NUDCD3: variants seen among roughly 807,000 people sequenced by gnomAD.
NUDCD3 encodes NudC domain containing 3, also known as nudC domain-containing protein 3.
Under a neutral mutation model 39.7 loss-of-function variants are expected in NUDCD3, and 13 were observed. That is an observed-to-expected ratio of 0.33 (90% CI 0.21 to 0.52). The LOEUF (loss-of-function observed/expected upper bound fraction) is 0.52. NUDCD3 is among the 20% of genes least tolerant of loss of function. The pLI is 0.96. For synonymous variants in NUDCD3, 175 were observed against 172.4 expected, an observed-to-expected ratio of 1.02 and a Z score of -0.12; for missense variants, 453 against 458.1, an observed-to-expected ratio of 0.99 and a Z score of 0.10.
chr7:44,430,576 A>ACT (rs1799343736), intron 2 of NUDCD3, among the ~76,000 whole-genome samples: 1 of 147,956 alleles, frequency 6.8e-6, no homozygotes, highest in Non-Finnish European at 1.5e-5. Flanking sequence ...ACACTCACAC[A>ACT]CACACACACA....
intron 3 of NUDCD3, among the ~76,000 whole-genome samples, chr7:44,407,935 C>G (rs1798859488): frequency 6.6e-6 from 1 of 151,814 alleles, no homozygotes; most frequent in Non-Finnish European, 1.5e-5. Flanking sequence ...TTTTCCAGAG[C>G]CAAAGGAAAA....
chr7:44,404,480 TCA>T lies in NUDCD3; in HGVS notation c.744_745del (p.Ser250PhefsTer36), dbSNP rs1390923892. The T allele has an allele frequency of 6.2e-6, 10 of 1,613,954 alleles. No homozygotes were observed. The highest frequency in any genetic ancestry group is 8.5e-6 in the Non-Finnish European group (10 of 1,180,008). On this transcript the variant is annotated frameshift_variant, in exon 4 of 6. Coordinates refer to ENST00000355451, the MANE Select transcript of NUDCD3 (RefSeq NM_015332.4). LOFTEE classifies it high-confidence loss of function. ...GGGCTCGAGACTCCAGAGAGAACTC[TCA>T]GTGTTGATCTTGTGGGTGAGCTTCC...
chr7:44,403,002 T>C (rs1429441830), intron 4 of NUDCD3: 2 of 193,026 alleles, frequency 1.0e-5, no homozygotes, highest in African/African-American at 2.3e-5. Flanking sequence ...CAGGAGCCTA[T>C]AGCTTGGGAA....
intron 2 of NUDCD3, among the ~76,000 whole-genome samples, chr7:44,456,040 A>C (rs1374825089): frequency 1.6e-4 from 22 of 138,992 alleles, no homozygotes; most frequent in South Asian, 9.0e-4. Context: ...AAAAAAAAAA[A>C]AAAAAAAAAA....
intron 2 of NUDCD3, among the ~76,000 whole-genome samples, chr7:44,431,629 G>A (rs1328943443): frequency 6.6e-6 from 1 of 150,820 alleles, no homozygotes; most frequent in Non-Finnish European, 1.5e-5. Context: ...CTGCCTGTTT[G>A]AGTGCTGCCA....
At chr7:44,428,789 G>A (rs1173067489) in intron 2 of NUDCD3, among the ~76,000 whole-genome samples, 1 of 152,278 alleles carries the variant, frequency 6.6e-6, no homozygotes, top group African/African-American at 2.4e-5. Context: ...CCATTATAGT[G>A]AACTGAAGAT....
At chr7:44,388,709 T>C (rs1798450676) in intron 5 of NUDCD3, among the ~76,000 whole-genome samples, 1 of 152,200 alleles carries the variant, frequency 6.6e-6, no homozygotes, top group Non-Finnish European at 1.5e-5. Context: ...GCTCCCTGGC[T>C]GTTGAGGAGC....
In NUDCD3 at chr7:44,470,144, T is replaced by C. The variant is rs147745879; in HGVS notation, c.509+14824A>G. Among the ~76,000 whole-genome samples the C allele has an allele frequency of 3.8e-3, 579 of 152,304 alleles. 6 individuals carry two copies. Among genetic ancestry groups the C allele is most frequent in the African/African-American group, 0.013 (560 of 41,562 alleles). Reference sequence around the variant, plus strand: ...CTTCTGCAATTTTTTTTGGTAGATATGAATTATCTAAAATTCAAAGATTTT... The same window carrying C: ...CTTCTGCAATTTTTTTTGGTAGATACGAATTATCTAAAATTCAAAGATTTT... On this transcript the variant is annotated intron_variant, in intron 2 of 5. Coordinates refer to ENST00000355451, the MANE Select transcript of NUDCD3 (RefSeq NM_015332.4).
Position 44,445,037 on chromosome 7 carries a change from C to T in NUDCD3, c.510-17334G>A, listed in dbSNP as rs561964842. 5.9e-5 allele frequency among the ~76,000 whole-genome samples: 9 copies of T among 152,336 alleles called. No individual in the cohort carries two copies. The East Asian group carries it at 1.5e-3, about 26-fold the overall frequency. On this transcript the variant is annotated intron_variant, in intron 2 of 5. Coordinates refer to ENST00000355451, the MANE Select transcript of NUDCD3 (RefSeq NM_015332.4). ...CACAACATCTGACATGAATGTCCCA[C>T]CCTTGGACTACCCAGGCTCTCCCTC...
chr7:44,482,488 TG>T (rs1800512548), intron 2 of NUDCD3, among the ~76,000 whole-genome samples: 1 of 152,178 alleles, frequency 6.6e-6, no homozygotes, highest in South Asian at 2.1e-4. Context: ...TAAGCAAAGG[TG>T]GGAAGATCAT....
At chr7:44,464,213 CAAAAA>C (rs776316432) in intron 2 of NUDCD3, among the ~76,000 whole-genome samples, 1 of 70,086 alleles carries the variant, frequency 1.4e-5, no homozygotes. Flanking sequence ...GACCCCATCT[CAAAAA>C]AAAAAAAAAA....
intron 3 of NUDCD3, among the ~76,000 whole-genome samples, chr7:44,425,187 A>C (rs1035868411): frequency 9.2e-5 from 14 of 152,140 alleles, no homozygotes; most frequent in African/African-American, 3.4e-4. Flanking sequence ...CAAATACCTA[A>C]TGCATGCGGG....
chr7:44,417,158 C>G (rs1050038706), intron 3 of NUDCD3, among the ~76,000 whole-genome samples: 3 of 152,226 alleles, frequency 2.0e-5, no homozygotes, highest in Non-Finnish European at 4.4e-5. Context: ...GCACAGCCCA[C>G]ACGTTTAGAA....
intron 2 of NUDCD3, among the ~76,000 whole-genome samples, chr7:44,456,788 G>C (rs1799911605): frequency 6.6e-6 from 1 of 151,938 alleles, no homozygotes; most frequent in African/African-American, 2.4e-5. Flanking sequence ...AACTTCCTAA[G>C]GGTCAAACTG....
chr7:44,416,730 A>G (rs1563170384), intron 3 of NUDCD3, among the ~76,000 whole-genome samples: 1 of 152,180 alleles, frequency 6.6e-6, no homozygotes, highest in African/African-American at 2.4e-5. Context: ...AAGCCACTGA[A>G]AAAAGAAGTC....
intron 2 of NUDCD3, among the ~76,000 whole-genome samples, chr7:44,460,691 G>A (rs190644003): frequency 2.1e-4 from 32 of 152,146 alleles, no homozygotes; most frequent in East Asian, 1.7e-3. Flanking sequence ...TCTCAAAAAC[G>A]TAATATGAAG....
intron 2 of NUDCD3, among the ~76,000 whole-genome samples, chr7:44,461,480 C>G (rs573918556): frequency 1.3e-5 from 2 of 152,282 alleles, no homozygotes; most frequent in Admixed American, 6.5e-5. Context: ...GGCTGTCTCC[C>G]TGTGGGGGGA....
chr7:44,467,159 C>T (rs1800134790), intron 2 of NUDCD3, among the ~76,000 whole-genome samples: 1 of 152,136 alleles, frequency 6.6e-6, no homozygotes. Context: ...AGCATCTCAC[C>T]CCTACTGAAG....
intron 4 of NUDCD3, among the ~76,000 whole-genome samples, chr7:44,399,723 G>A (rs1360215657): frequency 6.6e-6 from 1 of 152,202 alleles, no homozygotes; most frequent in Non-Finnish European, 1.5e-5. Context: ...CCACCAGGGA[G>A]AACCACAGCA....
Sources: allele counts gnomAD v4.1 joint callset (sites outside exome capture counted in the v4.1 genomes callset), GRCh38; gene constraint gnomAD v4.1.1; transcripts MANE v1.5; gene names NCBI Gene and HGNC (gene_info 2026-07-23, HGNC 2026-07-21).